SLC28A3: variants seen among roughly 807,000 people sequenced by gnomAD.
SLC28A3 encodes the protein concentrative Na(+)-nucleoside cotransporter 3.
In SLC28A3, 68 loss-of-function variants were observed where a neutral mutation model predicts 84.2. That is an observed-to-expected ratio of 0.81 (90% CI 0.66 to 0.99). The LOEUF (loss-of-function observed/expected upper bound fraction) is 0.99. Among genes scored for constraint, SLC28A3 ranks in the 50% least tolerant of loss-of-function variants. The probability of loss-of-function intolerance (pLI) is 0.00; values close to 1 mark genes in which losing one functional copy is unlikely to be tolerated. For missense variants in SLC28A3, 712 were observed against 841.5 expected, an observed-to-expected ratio of 0.85 and a Z score of 1.90; for synonymous variants, 267 against 303.6, an observed-to-expected ratio of 0.88 and a Z score of 1.25.
the SLC28A3 span, among the ~76,000 whole-genome samples, chr9:84,357,099 C>T: frequency 1.2e-4 from 19 of 152,064 alleles, no homozygotes; most frequent in African/African-American, 4.1e-4. Flanking sequence ...TCATGAAGGC[C>T]GGGAACTTTG....
At chr9:84,331,945 G>A (rs1826805351) in intron 1 of SLC28A3, among the ~76,000 whole-genome samples, 1 of 152,100 alleles carries the variant, frequency 6.6e-6, no homozygotes, top group African/African-American at 2.4e-5. Flanking sequence ...TCTGTGGAGT[G>A]GGGAAAAGGT....
At chr9:84,366,279 G>A in the SLC28A3 span, among the ~76,000 whole-genome samples, 1 of 152,068 alleles carries the variant, frequency 6.6e-6, no homozygotes, top group Admixed American at 6.6e-5. Flanking sequence ...GTCTGATAGA[G>A]TTCTGACCCT....
chr9:84,281,342 A>G (rs1048680166), intron 14 of SLC28A3, among the ~76,000 whole-genome samples: 2 of 152,256 alleles, frequency 1.3e-5, no homozygotes, highest in Non-Finnish European at 2.9e-5. Context: ...GGAAAAATGG[A>G]TGGAGATTTG....
chr9:84,295,213 G>C (rs1461708431), intron 8 of SLC28A3, among the ~76,000 whole-genome samples: 3 of 152,036 alleles, frequency 2.0e-5, no homozygotes, highest in Non-Finnish European at 4.4e-5. Flanking sequence ...TAAAATAATA[G>C]TGATTTTACC....
intron 10 of SLC28A3, among the ~76,000 whole-genome samples, chr9:84,290,724 CCTT>C (rs1825179884): frequency 6.6e-6 from 1 of 152,158 alleles, no homozygotes; most frequent in African/African-American, 2.4e-5. Flanking sequence ...AGTGGCCTAA[CCTT>C]CTGGATGGGT....
At position 84,281,598 on chromosome 9, in the gene SLC28A3, C is replaced by G. The variant is rs145565729; in HGVS notation, c.1648-716G>C. Among the ~76,000 whole-genome samples the G allele has an allele frequency of 4.0e-3, 611 of 152,318 alleles. 12 individuals are homozygous for G. In the East Asian group the frequency reaches 0.049, roughly 12 times the overall value. On this transcript the variant is annotated intron_variant, in intron 14 of 17. Transcript: ENST00000376238. The stretch of plus-strand genomic sequence containing the variant: ...GGAAGTTTCTTCTTAAGTTTACTTG[C>G]TCTGCCTGAATGACCCAGCAATTTT...
chr9:84,330,445 A>G (rs1826736327), intron 1 of SLC28A3, among the ~76,000 whole-genome samples: 2 of 152,218 alleles, frequency 1.3e-5, no homozygotes. Flanking sequence ...CCAAAAACAC[A>G]TGCTTACGTG....
At chr9:84,343,270 G>A (rs1416581891), upstream of SLC28A3, among the ~76,000 whole-genome samples, 2 of 152,054 alleles carry the variant, frequency 1.3e-5, no homozygotes, top group African/African-American at 2.4e-5. Flanking sequence ...CCAACCCTCC[G>A]TTTCTCTGGG....
chr9:84,328,586 C>T (rs1343118007), intron 1 of SLC28A3, among the ~76,000 whole-genome samples: 1 of 152,006 alleles, frequency 6.6e-6, no homozygotes, highest in Non-Finnish European at 1.5e-5. Context: ...TGGTGAAACC[C>T]CATCTCTACT....
At chr9:84,279,532 C>A in intron 16 of SLC28A3, 147 bp from the exon 17 acceptor site, 6 of 541,166 alleles carry the variant, frequency 1.1e-5, no homozygotes, top group Non-Finnish European at 1.6e-5. Context: ...ACCTCTGCCT[C>A]CCGGGTTCAA....
At chr9:84,292,646 T>A in intron 10 of SLC28A3, 22 bp downstream of exon 10, 1 of 1,560,340 alleles carries the variant, frequency 6.4e-7, no homozygotes, top group Non-Finnish European at 8.8e-7. Context: ...AGATGTTTTG[T>A]TCTGTTGATA....
chr9:84,278,326 A>G lies in SLC28A3; in HGVS notation c.1968T>C (p.Pro656=). ...GGTTTCCTCCTGGGATGACTTCACC[A>G]GGACCCTTGGCAACAGTGCTGGTGG... ...SLLSSTVAKG[P]GEVIPGGNHS... Residue 656 remains proline, a synonymous_variant, in exon 18 of 18, where the codon CCT becomes CCC. Transcript: ENST00000376238. 7 of 1,614,152 alleles carry G rather than the reference A, an allele frequency of 4.3e-6. No individual in the cohort carries two copies. The highest frequency in any genetic ancestry group is 5.9e-6 in the Non-Finnish European group (7 of 1,180,002).
intron 1 of SLC28A3, among the ~76,000 whole-genome samples, chr9:84,334,155 C>T (rs752070564): frequency 1.3e-5 from 2 of 152,234 alleles, no homozygotes; most frequent in Admixed American, 6.5e-5. Context: ...AAATACAAGC[C>T]GGGCCTGGTG....
chr9:84,281,016 A>G (rs937503742), intron 14 of SLC28A3, 134 bp from the exon 15 acceptor site: 1 of 792,486 alleles, frequency 1.3e-6, no homozygotes, highest in African/African-American at 1.7e-5. Flanking sequence ...TCAAATACCC[A>G]TTACTCCCTA....
At chr9:84,367,908 C>T in the SLC28A3 span, among the ~76,000 whole-genome samples, 23,895 of 152,140 alleles carry the variant, frequency 0.16, 4,190 homozygotes, top group African/African-American at 0.43. Context: ...TGGTCGGCTT[C>T]ACACGGAGAC....
chr9:84,305,748 G>C (rs538957951), intron 3 of SLC28A3, among the ~76,000 whole-genome samples: 31 of 152,280 alleles, frequency 2.0e-4, no homozygotes, highest in African/African-American at 7.0e-4. Context: ...AAAAGCCAAG[G>C]AACTCTGTCA....
Position 84,285,540 on chromosome 9 carries a change from T to C in SLC28A3, c.1452A>G (p.Leu484=). The stretch of plus-strand genomic sequence containing the variant: ...AGGGCATGAAGATGTAGGAGCAGAT[T>C]AGCTACAGAAACCAAAAGTAGACAC... The part of the protein sequence containing the change: ...MFDYPQLSFE[L]ICSYIFMPFS... Residue 484 remains leucine (L), a splice_region_variant and synonymous_variant, in exon 14 of 18, where the codon CTA becomes CTG. Transcript: ENST00000376238. 5 of 1,614,114 alleles carry C rather than the reference T, an allele frequency of 3.1e-6. No homozygotes were observed. Among genetic ancestry groups the C allele is most frequent in the Non-Finnish European group, 4.2e-6 (5 of 1,179,988 alleles).
At chr9:84,299,026 C>T (rs890744934) in intron 6 of SLC28A3, among the ~76,000 whole-genome samples, 7 of 152,122 alleles carry the variant, frequency 4.6e-5, no homozygotes, top group African/African-American at 1.7e-4. Context: ...TTGGGTCTTG[C>T]TTTTAATGGT....
rs565450522 is a variant in SLC28A3, at chr9:84,338,993, G to A, written c.60+1581C>T. Among the ~76,000 whole-genome samples, 8 of 152,196 alleles carry A rather than the reference G, an allele frequency of 5.3e-5. No homozygotes were observed. In the East Asian group the frequency reaches 1.5e-3, roughly 29 times the overall value. On this transcript the variant is annotated intron_variant, in intron 1 of 17. Transcript: ENST00000376238. ...GTCCCGCTTGCTCATACAAGGAAGA[G>A]AGCAACCCTTATCACCAAAGACAGA...
Sources: allele counts gnomAD v4.1 joint callset (sites outside exome capture counted in the v4.1 genomes callset), GRCh38; gene constraint gnomAD v4.1.1; transcripts MANE v1.5; gene names NCBI Gene and HGNC (gene_info 2026-07-23, HGNC 2026-07-21).